Variants in CSMD1 observed in about 807,000 individuals in gnomAD.
CSMD1 encodes CUB and Sushi multiple domains 1, also known as CUB and sushi domain-containing protein 1.
Under a neutral mutation model 417.5 loss-of-function variants are expected in CSMD1, and 213 were observed. That is an observed-to-expected ratio of 0.51 (90% CI 0.46 to 0.57). The LOEUF is 0.57. Ranked by LOEUF, CSMD1 falls within the 20% of genes least tolerant of loss-of-function variation. The pLI, the probability that CSMD1 is intolerant of heterozygous loss-of-function variation, is 0.00. For missense variants in CSMD1, 6,923 were observed against 4,529.7 expected (o/e 1.53, Z -15.17); for synonymous variants, 2,862 against 1,736.8 (o/e 1.65, Z -16.11).
At chr8:4,356,041 T>G (rs575382771) in intron 3 of CSMD1, among the ~76,000 whole-genome samples, 1 of 152,210 alleles carries the variant, frequency 6.6e-6, no homozygotes, top group Non-Finnish European at 1.5e-5. Flanking sequence ...TGGGAGATCC[T>G]GGTGCACTCA....
intron 5 of CSMD1, among the ~76,000 whole-genome samples, chr8:3,763,358 T>G (rs1798112241): frequency 6.6e-6 from 1 of 152,158 alleles, no homozygotes; most frequent in Non-Finnish European, 1.5e-5. Context: ...GGCAGAACCC[T>G]CATGAATGAA....
chr8:4,972,360 A>C (rs1400030713), intron 1 of CSMD1, among the ~76,000 whole-genome samples: 1 of 152,120 alleles, frequency 6.6e-6, no homozygotes, highest in African/African-American at 2.4e-5. Context: ...GGTGCAGGTA[A>C]TTGAATCATG....
At chr8:4,380,780 T>C (rs1252284856) in intron 3 of CSMD1, among the ~76,000 whole-genome samples, 2 of 149,384 alleles carry the variant, frequency 1.3e-5, no homozygotes, top group South Asian at 4.2e-4. Context: ...AAACAAAAAG[T>C]ATATTTAAAA....
At chr8:3,813,197 G>C (rs570944504) in intron 5 of CSMD1, among the ~76,000 whole-genome samples, 5 of 149,888 alleles carry the variant, frequency 3.3e-5, no homozygotes, top group African/African-American at 9.8e-5. Context: ...TTTTACTTCA[G>C]TCAGGTATCC....
intron 1 of CSMD1, among the ~76,000 whole-genome samples, chr8:4,798,869 A>G (rs1798125747): frequency 6.6e-6 from 1 of 152,210 alleles, no homozygotes; most frequent in Non-Finnish European, 1.5e-5. Flanking sequence ...GATGCCATAA[A>G]TAAATGAAAA....
intron 3 of CSMD1, among the ~76,000 whole-genome samples, chr8:4,318,626 T>C (rs1799080122): frequency 6.7e-6 from 1 of 149,174 alleles, no homozygotes; most frequent in Non-Finnish European, 1.5e-5. Context: ...TAATTAAAAG[T>C]GACACACCTT....
chr8:4,396,244 T>A (rs796982534), intron 3 of CSMD1, among the ~76,000 whole-genome samples: 19 of 152,064 alleles, frequency 1.2e-4, no homozygotes, highest in African/African-American at 4.6e-4. Context: ...GGCAGATCGC[T>A]TGAGCCCAGG....
intron 12 of CSMD1, among the ~76,000 whole-genome samples, chr8:3,438,014 C>G (rs887371569): frequency 3.3e-5 from 5 of 152,078 alleles, no homozygotes; most frequent in African/African-American, 7.2e-5. Context: ...GTACTGATAC[C>G]TATTTCTAAA....
intron 3 of CSMD1, among the ~76,000 whole-genome samples, chr8:4,418,517 G>A (rs1027355528): frequency 6.6e-6 from 1 of 151,912 alleles, no homozygotes; most frequent in Non-Finnish European, 1.5e-5. Context: ...TCATCAGGAG[G>A]GGAGAAAAAA....
chr8:4,912,075 T>G (rs1805713507), intron 1 of CSMD1, among the ~76,000 whole-genome samples: 1 of 141,884 alleles, frequency 7.0e-6, no homozygotes, highest in Admixed American at 7.6e-5. Context: ...AAATCCCAGT[T>G]CTTTCCAATT....
chr8:3,045,206 C>T (rs1811354325), intron 50 of CSMD1, among the ~76,000 whole-genome samples: 1 of 152,072 alleles, frequency 6.6e-6, no homozygotes, highest in Non-Finnish European at 1.5e-5. Flanking sequence ...ACATTTATTT[C>T]CTCATGTTAC....
At chr8:3,164,807 T>C (rs2129041365) in intron 37 of CSMD1, among the ~76,000 whole-genome samples, 1 of 152,294 alleles carries the variant, frequency 6.6e-6, no homozygotes, top group Non-Finnish European at 1.5e-5. Context: ...AAGTGAAACA[T>C]TACAATTCAT....
At chr8:4,603,903 G>T (rs372780128) in intron 2 of CSMD1, among the ~76,000 whole-genome samples, 2 of 152,072 alleles carry the variant, frequency 1.3e-5, no homozygotes, top group East Asian at 3.9e-4. Flanking sequence ...GTATTACTCT[G>T]GGGGATTTGG....
chr8:3,560,169 C>G (rs1445174373), intron 10 of CSMD1, among the ~76,000 whole-genome samples: 1 of 152,000 alleles, frequency 6.6e-6, no homozygotes, highest in African/African-American at 2.4e-5. Flanking sequence ...CTGTAAGGCA[C>G]AGGAAGAGCC....
chr8:3,569,184 C>T (rs1198858002), intron 10 of CSMD1, among the ~76,000 whole-genome samples: 1 of 152,142 alleles, frequency 6.6e-6, no homozygotes, highest in Non-Finnish European at 1.5e-5. Context: ...CATTTTATAA[C>T]TTCCTGAATA....
At chr8:3,241,809 A>T (rs2116975692) in intron 26 of CSMD1, among the ~76,000 whole-genome samples, 1 of 152,066 alleles carries the variant, frequency 6.6e-6, no homozygotes, top group Admixed American at 6.6e-5. Flanking sequence ...GCAACTTAGA[A>T]ATATGTTGCT....
At chr8:4,122,927 G>A (rs1470324986) in intron 3 of CSMD1, among the ~76,000 whole-genome samples, 1 of 152,214 alleles carries the variant, frequency 6.6e-6, no homozygotes, top group East Asian at 1.9e-4. Context: ...ACAAATCCAC[G>A]TTAAATTCTA....
At chr8:4,686,736 G>T (rs1461020591) in intron 1 of CSMD1, among the ~76,000 whole-genome samples, 2 of 152,152 alleles carry the variant, frequency 1.3e-5, no homozygotes. Flanking sequence ...TGTCATGGGG[G>T]CCTCAGCCAT....
At chr8:3,906,770 T>G (rs1808143054) in intron 5 of CSMD1, among the ~76,000 whole-genome samples, 1 of 152,122 alleles carries the variant, frequency 6.6e-6, no homozygotes, top group Non-Finnish European at 1.5e-5. Context: ...AGAGGAAAAA[T>G]GACTTTTATA....
Sources: allele counts gnomAD v4.1 joint callset (sites outside exome capture counted in the v4.1 genomes callset), GRCh38; gene constraint gnomAD v4.1.1; transcripts MANE v1.5; gene names NCBI Gene and HGNC (gene_info 2026-07-23, HGNC 2026-07-21).